MEI1: variants seen among roughly 807,000 people sequenced by gnomAD.
MEI1 encodes meiosis inhibitor protein 1.
MEI1 carries 103 observed loss-of-function variants against 146.2 expected under a neutral mutation model. The ratio of observed to expected loss-of-function variants is 0.70; its 90% confidence interval spans 0.60 to 0.83. The LOEUF (loss-of-function observed/expected upper bound fraction) is 0.83. Among genes scored for constraint, MEI1 ranks in the 40% least tolerant of loss-of-function variants. The probability of loss-of-function intolerance (pLI) is 0.00; values close to 1 mark genes in which losing one functional copy is unlikely to be tolerated. For synonymous variants in MEI1, 652 were observed against 628.2 expected (o/e 1.04, Z -0.57); for missense variants, 1,529 against 1,533.0 (o/e 1.00, Z 0.04).
At chr22:41,768,152 C>T (rs959273938) in intron 19 of MEI1, among the ~76,000 whole-genome samples, 4 of 152,082 alleles carry the variant, frequency 2.6e-5, no homozygotes, top group South Asian at 2.1e-4. Context: ...GAGGCCGAGG[C>T]GGGCGGATTG....
At position 41,735,997 on chromosome 22, in the gene MEI1, C is replaced by A. The variant is rs190983257; in HGVS notation, c.1331+3394C>A. Among the ~76,000 whole-genome samples the A allele has an allele frequency of 1.7e-3, 253 of 152,288 alleles. 3 individuals are homozygous for A. Among genetic ancestry groups the A allele is most frequent in the South Asian group, 2.5e-3 (12 of 4,824 alleles). On this transcript the variant is annotated intron_variant, in intron 11 of 30. Coordinates refer to ENST00000401548, the MANE Select transcript of MEI1 (RefSeq NM_152513.4). ...AACAGGTATTTACCTTCTCATGGTT[C>A]TAGGGGGCCAGAAGTCCAAAATCAG...
intron 26 of MEI1, among the ~76,000 whole-genome samples, chr22:41,789,361 A>C (rs952035703): frequency 5.9e-5 from 9 of 152,164 alleles, no homozygotes; most frequent in Non-Finnish European, 1.3e-4. Context: ...ATGATATCTC[A>C]CTATGTTGTC....
At chr22:41,723,813 G>A in intron 6 of MEI1, 130 bp from the exon 7 acceptor site, 6 of 1,204,132 alleles carry the variant, frequency 5.0e-6, no homozygotes, top group Non-Finnish European at 6.9e-6. Context: ...TGGTGCTTAA[G>A]GATTCTAACC....
chr22:41,701,493 T>C (rs538352189), intron 1 of MEI1, among the ~76,000 whole-genome samples: 11 of 152,242 alleles, frequency 7.2e-5, no homozygotes, highest in African/African-American at 2.6e-4. Flanking sequence ...CATTTTAATA[T>C]TATATGAAAA....
chr22:41,769,863 G>A (rs946667292), intron 19 of MEI1, among the ~76,000 whole-genome samples: 7 of 151,960 alleles, frequency 4.6e-5, no homozygotes, highest in East Asian at 2.0e-4. Flanking sequence ...GGCCGGGCAC[G>A]GTGGCTCACA....
At chr22:41,702,714 G>A (rs2068803421) in intron 1 of MEI1, among the ~76,000 whole-genome samples, 1 of 151,978 alleles carries the variant, frequency 6.6e-6, no homozygotes, top group Non-Finnish European at 1.5e-5. Flanking sequence ...CAAAATGTTG[G>A]GATTACAGGC....
chr22:41,778,749 A>G lies in MEI1; in HGVS notation c.2752A>G (p.Met918Val). ...LPLLLSLLSLMQLRNVSEQEL... is the reference protein window; with the variant it reads ...LPLLLSLLSLVQLRNVSEQEL... The stretch of plus-strand genomic sequence containing the variant: ...ATTGCTGCTGAGCCTCCTCTCCCTG[A>G]TGCAGCTCAGGAATGTGTCAGAGCA... The change falls in exon 22 of 31, where the codon ATG (methionine) becomes GTG (valine). Residue 918 changes from methionine to valine, a missense_variant. By Grantham distance (21) the Met-to-Val change is conservative. This residue lies in a region of MEI1 where 1,212 missense variants were observed against 1,178.9 expected (regional missense o/e 1.03). Transcript: ENST00000401548. 6.2e-7 allele frequency: 1 copy of G among 1,609,420 alleles called. No homozygotes were observed. The highest frequency in any genetic ancestry group is 8.5e-7 in the Non-Finnish European group (1 of 1,177,996).
At chr22:41,758,094 C>T (rs2074214126) in intron 17 of MEI1, among the ~76,000 whole-genome samples, 3 of 152,104 alleles carry the variant, frequency 2.0e-5, no homozygotes, top group Admixed American at 6.5e-5. Flanking sequence ...GGCAACAGAG[C>T]GAGACTCTGT....
intron 1 of MEI1, among the ~76,000 whole-genome samples, chr22:41,701,254 T>A (rs1013145198): frequency 3.9e-5 from 6 of 152,100 alleles, no homozygotes; most frequent in African/African-American, 1.4e-4. Flanking sequence ...GCTGGATTTT[T>A]ATCTATTTCT....
intron 6 of MEI1, among the ~76,000 whole-genome samples, chr22:41,721,719 C>CCT (rs760700447): frequency 4.0e-4 from 41 of 102,224 alleles, no homozygotes; most frequent in South Asian, 2.0e-3. Flanking sequence ...AATGCTACCC[C>CCT]TTTTTTTTTT....
intron 3 of MEI1, among the ~76,000 whole-genome samples, chr22:41,706,739 C>G (rs559589794): frequency 6.6e-6 from 1 of 151,154 alleles, no homozygotes; most frequent in East Asian, 1.9e-4. Flanking sequence ...CAAAAATTGT[C>G]GAAGCGCATG....
In MEI1 at chr22:41,784,775, C is replaced by T. The variant is rs775677494; in HGVS notation, c.3337C>T (p.Leu1113=). 1.2e-6 allele frequency: 2 copies of T among 1,607,696 alleles called. No homozygotes were observed. Among genetic ancestry groups the T allele is most frequent in the Admixed American group, 3.4e-5 (2 of 59,402 alleles). ...CCTGGTCATTGGGCTGCAGAACCTCCTGGTGCAGGTAAGGCCCTTGCTGAG... is the reference window on the plus strand; with the variant it reads ...CCTGGTCATTGGGCTGCAGAACCTCTTGGTGCAGGTAAGGCCCTTGCTGAG... ...RSLVIGLQNL[L]VQKDPLLSQA... The change falls in exon 26 of 31, where the codon CTG becomes TTG. Residue 1113 remains leucine (L), a synonymous_variant. Coordinates refer to ENST00000401548, the MANE Select transcript of MEI1 (RefSeq NM_152513.4).
At chr22:41,706,148 A>G (rs922484092) in intron 3 of MEI1, among the ~76,000 whole-genome samples, 2 of 152,138 alleles carry the variant, frequency 1.3e-5, no homozygotes, top group Non-Finnish European at 2.9e-5. Flanking sequence ...CCTCCCGAGT[A>G]TCTGGGACTA....
rs2076332860 is a variant in MEI1, at chr22:41,795,633, C to T, written c.3666+91C>T. 8.2e-6 allele frequency: 13 copies of T among 1,593,888 alleles called. No individual in the cohort carries two copies. In the South Asian group the frequency reaches 1.5e-4, roughly 18 times the overall value. On this transcript the variant is annotated intron_variant, in intron 29 of 30. Transcript: ENST00000401548. This position sits in a 1 kb window ranked among gnomAD's most constrained non-coding sequence, Gnocchi z 4.2. The stretch of plus-strand genomic sequence containing the variant: ...AGGGTGGGAGCTCTGGCCACAGCAA[C>T]CAAGGAATGGGAGGAGGGAAGTACA...
chr22:41,717,977 C>T lies in MEI1; in HGVS notation c.530-94C>T, dbSNP rs935573826. On this transcript the variant is annotated intron_variant, in intron 5 of 30. Coordinates refer to ENST00000401548, the MANE Select transcript of MEI1 (RefSeq NM_152513.4). Reference sequence around the variant, plus strand: ...TTTTGTGGGGGATTATAGGGACTTACCATTACTACCCCGTTAGGAATAATA... The same window carrying T: ...TTTTGTGGGGGATTATAGGGACTTATCATTACTACCCCGTTAGGAATAATA... 2.8e-6 allele frequency: 3 copies of T among 1,061,538 alleles called. No homozygotes were observed. In the East Asian group the frequency reaches 7.4e-5, roughly 26 times the overall value. 65.8% of individuals were successfully genotyped at this position (1,061,538 alleles called of 1,614,324 possible).
At chr22:41,783,127 A>T (rs929644483) in intron 24 of MEI1, among the ~76,000 whole-genome samples, 1 of 152,018 alleles carries the variant, frequency 6.6e-6, no homozygotes, top group African/African-American at 2.4e-5. Context: ...TCTCCCAGTC[A>T]GCTATGCTCC....
chr22:41,705,322 C>CCA (rs1451795139), intron 2 of MEI1, among the ~76,000 whole-genome samples, 182 bp from the exon 3 acceptor site: 2 of 152,000 alleles, frequency 1.3e-5, no homozygotes, highest in African/African-American at 4.8e-5. Context: ...CAGGCACAGG[C>CCA]CACTACTCCC....
chr22:41,725,508 G>A (rs1377130976), intron 7 of MEI1, among the ~76,000 whole-genome samples: 3 of 152,212 alleles, frequency 2.0e-5, no homozygotes, highest in Non-Finnish European at 4.4e-5. Context: ...AGTTGCTTTA[G>A]GGATCAGATT....
intron 16 of MEI1, 49 bp from the exon 17 acceptor site, chr22:41,753,900 C>A: frequency 7.5e-7 from 1 of 1,342,068 alleles, no homozygotes; most frequent in Non-Finnish European, 1.1e-6. Context: ...GCTCTCCCAG[C>A]CAAAGTAGCA....
Sources: allele counts gnomAD v4.1 joint callset (sites outside exome capture counted in the v4.1 genomes callset), GRCh38; gene constraint gnomAD v4.1.1; regional missense constraint gnomAD v4.1.1; non-coding constraint Gnocchi (gnomAD v3.1); transcripts MANE v1.5; gene names NCBI Gene and HGNC (gene_info 2026-07-23, HGNC 2026-07-21).